Variants in PTPRN2 observed in about 807,000 individuals in gnomAD.
PTPRN2 encodes the protein receptor-type tyrosine-protein phosphatase N2.
In PTPRN2, 74 loss-of-function variants were observed where a neutral mutation model predicts 118.8. The ratio of observed to expected loss-of-function variants is 0.62; its 90% CI spans 0.52 to 0.76. PTPRN2 has a LOEUF of 0.76. PTPRN2 is among the 30% of genes least tolerant of loss of function. PTPRN2 has a pLI of 0.00. For synonymous variants in PTPRN2, 641 were observed against 608.0 expected (o/e 1.05, Z -0.80); for missense variants, 1,481 against 1,394.4 (o/e 1.06, Z -0.99).
intron 12 of PTPRN2, among the ~76,000 whole-genome samples, chr7:157,799,807 C>T (rs1805120667): frequency 8.2e-6 from 1 of 122,540 alleles, no homozygotes; most frequent in Non-Finnish European, 1.8e-5. Flanking sequence ...CCTACCCCGT[C>T]CCTCAGAGGC....
intron 12 of PTPRN2, among the ~76,000 whole-genome samples, chr7:157,885,906 A>G (rs953256084): frequency 1.3e-5 from 2 of 152,198 alleles, no homozygotes; most frequent in African/African-American, 4.8e-5. Flanking sequence ...AAGGGAGATG[A>G]CATGCATGTG....
intron 12 of PTPRN2, among the ~76,000 whole-genome samples, chr7:157,769,396 A>G (rs905322830): frequency 8.5e-5 from 13 of 152,098 alleles, no homozygotes; most frequent in Admixed American, 3.3e-4. Context: ...GACTCCCCTC[A>G]TTGTCGGGGG....
chr7:158,115,354 G>A (rs1162100901), intron 9 of PTPRN2, among the ~76,000 whole-genome samples: 6 of 152,142 alleles, frequency 3.9e-5, no homozygotes, highest in Non-Finnish European at 7.3e-5. Context: ...CATAGACTGC[G>A]ATGTGTCAGC....
intron 11 of PTPRN2, among the ~76,000 whole-genome samples, chr7:158,023,003 G>T (rs964906564): frequency 6.6e-6 from 1 of 152,192 alleles, no homozygotes; most frequent in Non-Finnish European, 1.5e-5. Context: ...ATGGGAAATG[G>T]GAAAGGGCTT....
chr7:157,634,712 C>T (rs1455605608), intron 14 of PTPRN2, among the ~76,000 whole-genome samples: 2 of 152,214 alleles, frequency 1.3e-5, no homozygotes, highest in Admixed American at 1.3e-4. Context: ...TCATGAACTG[C>T]TTTCCAAAGA....
chr7:158,105,436 A>G (rs1193558854), intron 10 of PTPRN2, among the ~76,000 whole-genome samples: 2 of 150,422 alleles, frequency 1.3e-5, no homozygotes, highest in Non-Finnish European at 3.0e-5. Context: ...TCCCAACTCC[A>G]CTGAGCTCCA....
intron 11 of PTPRN2, among the ~76,000 whole-genome samples, chr7:157,921,967 C>T (rs542252957): frequency 1.4e-4 from 21 of 152,200 alleles, no homozygotes; most frequent in African/African-American, 4.8e-4. Flanking sequence ...AGGCAGGGCA[C>T]GTGGGAACCC....
At chr7:157,976,371 CT>C (rs1802748002) in intron 11 of PTPRN2, among the ~76,000 whole-genome samples, 1 of 152,202 alleles carries the variant, frequency 6.6e-6, no homozygotes, top group African/African-American at 2.4e-5. Context: ...CTAGCACCGG[CT>C]GGCACTCTCC....
intron 10 of PTPRN2, among the ~76,000 whole-genome samples, chr7:158,097,692 A>G (rs1282187910): frequency 6.6e-6 from 1 of 152,220 alleles, no homozygotes; most frequent in Non-Finnish European, 1.5e-5. Context: ...GACAGCCACA[A>G]TCACGTCGTA....
chr7:157,864,170 G>A (rs958641414), intron 12 of PTPRN2: 2 of 152,278 alleles, frequency 1.3e-5, no homozygotes, highest in South Asian at 2.1e-4. Flanking sequence ...CCTTCCAAGC[G>A]ACTGTTCACA....
chr7:157,659,417 G>A (rs1365330845), intron 13 of PTPRN2, among the ~76,000 whole-genome samples: 7 of 130,708 alleles, frequency 5.4e-5, no homozygotes, highest in Non-Finnish European at 1.2e-4. Flanking sequence ...GGGGGGACTG[G>A]GCGGGAGGTG....
chr7:158,583,463 G>A (rs1255129292), intron 1 of PTPRN2, among the ~76,000 whole-genome samples: 1 of 151,712 alleles, frequency 6.6e-6, no homozygotes, highest in Non-Finnish European at 1.5e-5. Context: ...CAAAGTGATT[G>A]CCCACCCCCA....
Position 157,903,647 on chromosome 7 carries a change from CTTTTTTT to C in PTPRN2, c.1724-4917_1724-4911del. 6.8e-6 allele frequency among the ~76,000 whole-genome samples: 1 copy of C among 146,450 alleles called. No homozygotes were observed. Among genetic ancestry groups the C allele is most frequent in the East Asian group, 2.0e-4 (1 of 5,034 alleles). ...ATTAGTGTTTGGTTTTTTCTTTTTC[CTTTTTTT>C]TTTTTATACTAAAAGGTTTTAAGAG... On this transcript the variant is annotated intron_variant, in intron 11 of 22. Transcript: ENST00000389418. The surrounding 1 kb of genome is among the most constrained non-coding windows in gnomAD (Gnocchi z 4.2).
intron 12 of PTPRN2, among the ~76,000 whole-genome samples, chr7:157,890,148 C>T (rs731305): frequency 0.47 from 70,937 of 151,252 alleles, 18,255 homozygotes; most frequent in Middle Eastern, 0.59. Context: ...ATACATTTCT[C>T]GGAGTTTGAT....
rs1273136737 is a variant in PTPRN2 at position 157,787,080 on chromosome 7, G to A, written c.1789-104143C>T. On this transcript the variant is annotated intron_variant, in intron 12 of 22. Transcript: ENST00000389418. This position sits in a 1 kb window ranked among gnomAD's most constrained non-coding sequence, Gnocchi z 5.3. ...GGAGGCGGACGCGGGTGCGGCGGGGGACGCGGGGGTGGCTGCCCGGGAGGC... is the reference window on the plus strand; with the variant it reads ...GGAGGCGGACGCGGGTGCGGCGGGGAACGCGGGGGTGGCTGCCCGGGAGGC... Among the ~76,000 whole-genome samples the A allele has an allele frequency of 2.1e-5, 3 of 140,888 alleles. No homozygotes were observed. Among genetic ancestry groups the A allele is most frequent in the African/African-American group, 7.9e-5 (3 of 37,960 alleles). 92.4% of individuals were successfully genotyped at this position (140,888 alleles called of 152,430 possible). A position where few individuals can be genotyped will look rare whatever the true frequency, so the allele number is the denominator to read the frequency against.
chr7:158,331,754 A>C (rs62480890), intron 2 of PTPRN2, among the ~76,000 whole-genome samples: 10,763 of 88,910 alleles, frequency 0.12, 7 homozygotes, highest in Middle Eastern at 0.3. Flanking sequence ...ACGTCACTCA[A>C]ACTCACACTC....
chr7:157,711,394 G>A (rs1464631677), intron 12 of PTPRN2, among the ~76,000 whole-genome samples: 3 of 130,990 alleles, frequency 2.3e-5, no homozygotes, highest in East Asian at 4.5e-4. Context: ...AGAGCCCCAC[G>A]CGCCGGAGGT....
chr7:157,957,486 A>G (rs1435918525), intron 11 of PTPRN2, among the ~76,000 whole-genome samples: 1 of 152,228 alleles, frequency 6.6e-6, no homozygotes, highest in Admixed American at 6.5e-5. Flanking sequence ...CACACAACAG[A>G]TACAAGATTC....
intron 3 of PTPRN2, among the ~76,000 whole-genome samples, chr7:158,309,774 G>T (rs1381971736): frequency 6.6e-6 from 1 of 152,116 alleles, no homozygotes; most frequent in African/African-American, 2.4e-5. Flanking sequence ...GATACACTAT[G>T]GTCATAGAAT....
Sources: gnomAD v4.1 joint callset for allele counts (sites outside exome capture counted in the v4.1 genomes callset) on GRCh38, gnomAD v4.1.1 for gene constraint, Gnocchi (gnomAD v3.1) non-coding constraint, MANE v1.5 for transcripts, NCBI Gene and HGNC (gene_info 2026-07-23, HGNC 2026-07-21) for gene names.